The following WEE1 variants were observed in gnomAD, a reference collection of about 807,000 sequenced individuals.
The protein encoded by WEE1 is wee1-like protein kinase.
WEE1 carries 16 observed loss-of-function variants against 68.8 expected under a neutral mutation model. The observed-to-expected ratio is 0.23, with a 90% CI of 0.16 to 0.35. WEE1 has a LOEUF of 0.35. Ranked by LOEUF, WEE1 falls within the 10% of genes least tolerant of loss-of-function variation. The probability of loss-of-function intolerance (pLI) is 1.00; values close to 1 mark genes in which losing one functional copy is unlikely to be tolerated. For synonymous variants in WEE1, 349 were observed against 318.7 expected (o/e 1.09, Z -1.01); for missense variants, 651 against 824.1 (o/e 0.79, Z 2.57).
intron 6 of WEE1, among the ~76,000 whole-genome samples, chr11:9,581,989 G>A (rs991973354): frequency 2.0e-5 from 3 of 152,202 alleles, no homozygotes; most frequent in Non-Finnish European, 2.9e-5. Context: ...TCAGTCTTCC[G>A]AGTAGCCGGG....
At position 9,581,920 on chromosome 11, in the gene WEE1, GT is replaced by G. The variant is rs143667765; in HGVS notation, c.1288+243del. Among the ~76,000 whole-genome samples, 7 of 152,356 alleles carry G rather than the reference GT, an allele frequency of 4.6e-5. No individual in the cohort carries two copies. The East Asian group carries it at 1.2e-3, about 25-fold the overall frequency. ...ATTCTGTGGCCCAGGCCGGAATGCAGTGGCACCATCTCCGCTCACTGCAACT... is the reference window on the plus strand; with the variant it reads ...ATTCTGTGGCCCAGGCCGGAATGCAGGGCACCATCTCCGCTCACTGCAACT... On this transcript the variant is annotated intron_variant, in intron 6 of 10. Coordinates refer to ENST00000450114, the MANE Select transcript of WEE1 (RefSeq NM_003390.4).
At chr11:9,580,570 TCTC>T (rs1326148478) in intron 5 of WEE1, 2 of 150,288 alleles carry the variant, frequency 1.3e-5, no homozygotes, top group East Asian at 2.0e-4. Flanking sequence ...TTCAAGCAAT[TCTC>T]CTGCCTTCTG....
rs1849565798 is a variant in WEE1, at chr11:9,576,398, T to A, written c.847-89T>A. On this transcript the variant is annotated intron_variant, in intron 3 of 10. Coordinates refer to ENST00000450114, the MANE Select transcript of WEE1 (RefSeq NM_003390.4). The surrounding 1 kb of genome is among the most constrained non-coding windows in gnomAD (Gnocchi z 4.3). ...TTAACACATAAGGTAGAATGGTTTT[T>A]AAATTTCACACATAGCCCTATCACC... 5.1e-6 allele frequency: 8 copies of A among 1,555,068 alleles called. No individual in the cohort carries two copies. The highest frequency in any genetic ancestry group is 7.0e-6 in the Non-Finnish European group (8 of 1,149,210).
Position 9,588,589 on chromosome 11 carries a change from T to G in WEE1, c.1928T>G (p.Leu643Arg). The G allele has an allele frequency of 6.2e-7, 1 of 1,600,584 alleles. No homozygotes were observed. Among genetic ancestry groups the G allele is most frequent in the East Asian group, 2.3e-5 (1 of 44,350 alleles). ...IGKKMNRSVS[L>R]TIY ...AAGAAAATGAACCGCTCTGTCAGCC[T>G]TACTATATACTGAGCTACTCCTTTC... Residue 643 changes from leucine (L) to arginine (R), a missense_variant, in exon 11 of 11, where the codon CTT becomes CGT. Physicochemically the swap from Leu to Arg is moderately radical, Grantham distance 102. Transcript: ENST00000450114.
rs1215242751 is a variant in WEE1 at position 9,588,504 on chromosome 11, A to G, written c.1843A>G (p.Thr615Ala). ...KAAAEERALFTDRMATRSTTQ... is the reference protein window; with the variant it reads ...KAAAEERALFADRMATRSTTQ... ...TGCAGCTGAGGAAAGAGCACTCTTC[A>G]CTGACCGGATGGCCACTAGGTCCAC... The change falls in exon 11 of 11, where the codon ACT becomes GCT. Residue 615 changes from threonine to alanine, a missense_variant. Coordinates refer to ENST00000450114, the MANE Select transcript of WEE1 (RefSeq NM_003390.4). 6 of 1,611,946 alleles carry G rather than the reference A, an allele frequency of 3.7e-6. No individual in the cohort carries two copies. The highest frequency in any genetic ancestry group is 5.1e-6 in the Non-Finnish European group (6 of 1,179,592).
chr11:9,575,545 A>T (rs763480578), intron 1 of WEE1: 90 of 373,810 alleles, frequency 2.4e-4, no homozygotes, highest in Non-Finnish European at 3.5e-4. Context: ...GGGGGAGGGG[A>T]GATTTTATGG....
intron 10 of WEE1, among the ~76,000 whole-genome samples, chr11:9,588,042 T>A (rs1325547418): frequency 1.3e-5 from 2 of 151,978 alleles, no homozygotes; most frequent in African/African-American, 4.8e-5. Context: ...AAAGATGGGG[T>A]CTTGCTCTGT....
chr11:9,583,624 A>C (rs1214198540), intron 6 of WEE1, among the ~76,000 whole-genome samples: 1 of 150,870 alleles, frequency 6.6e-6, no homozygotes, highest in Non-Finnish European at 1.5e-5. Context: ...AAAAAAAAAA[A>C]AAAAAACCTT....
Position 9,574,233 on chromosome 11 carries a change from G to C in WEE1, c.300G>C (p.Pro100=). ...EEDLLLPGAC[P]GADEAGGGAE... Reference sequence around the variant, plus strand: ...ACCTGTTGCTGCCCGGCGCCTGCCCGGGCGCGGACGAGGCGGGCGGTGGGG... The same window carrying C: ...ACCTGTTGCTGCCCGGCGCCTGCCCCGGCGCGGACGAGGCGGGCGGTGGGG... Residue 100 remains proline (P), a synonymous_variant, in exon 1 of 11, where the codon CCG becomes CCC. Transcript: ENST00000450114. The surrounding 1 kb of genome is among the most constrained non-coding windows in gnomAD (Gnocchi z 4.9). The C allele has an allele frequency of 8.4e-7, 1 of 1,189,852 alleles. No homozygotes were observed. Among genetic ancestry groups the C allele is most frequent in the Non-Finnish European group, 1.0e-6 (1 of 959,892 alleles). The allele number at this position is 1,189,852 out of a possible 1,614,324, so 73.7% of individuals were successfully genotyped here.
rs1849740509 is a variant in WEE1 at position 9,589,645 on chromosome 11, A to T, written c.*1043A>T. 1.0e-6 allele frequency: 1 copy of T among 975,690 alleles called. No individual in the cohort carries two copies. Among genetic ancestry groups the T allele is most frequent in the African/African-American group, 1.9e-5 (1 of 53,440 alleles). The allele number at this position is 975,690 out of a possible 1,614,324, so 60.4% of individuals were successfully genotyped here. On this transcript the variant is annotated 3_prime_UTR_variant, in exon 11 of 11. Coordinates refer to ENST00000450114, the MANE Select transcript of WEE1 (RefSeq NM_003390.4). ...TACTGGCTAACAGATGTTGAAAAAA[A>T]TTGTCTGTTTGTTTTCTCATTAATT...
In WEE1 at chr11:9,579,634, G is replaced by A. The variant is rs1849603480; in HGVS notation, c.1142-1898G>A. 3 of 152,120 alleles carry A rather than the reference G, an allele frequency of 2.0e-5. No homozygotes were observed. The South Asian group carries it at 6.2e-4, about 32-fold the overall frequency. The allele number at this position is 152,120 out of a possible 1,614,324, so 9.4% of individuals were successfully genotyped here. Reference sequence around the variant, plus strand: ...AAGAGAAGAAATGGGCACAGCTATGGTTGCTGGACCTGCTAAAAAAGAGAA... The same window carrying A: ...AAGAGAAGAAATGGGCACAGCTATGATTGCTGGACCTGCTAAAAAAGAGAA... On this transcript the variant is annotated intron_variant, in intron 5 of 10. Coordinates refer to ENST00000450114, the MANE Select transcript of WEE1 (RefSeq NM_003390.4).
chr11:9,577,303 G>A lies in WEE1; in HGVS notation c.1141+40G>A, dbSNP rs566003740. 4 of 1,593,504 alleles carry A rather than the reference G, an allele frequency of 2.5e-6. No homozygotes were observed. In the East Asian group the frequency reaches 9.0e-5, roughly 36 times the overall value. On this transcript the variant is annotated intron_variant, in intron 5 of 10. Coordinates refer to ENST00000450114, the MANE Select transcript of WEE1 (RefSeq NM_003390.4). ...GGTTTTCTTGTGAGCTTGAGAAAAT[G>A]AACATCGAGGAAATATTTATGGTTA...
chr11:9,579,847 T>C (rs1053851242), intron 5 of WEE1: 3 of 152,216 alleles, frequency 2.0e-5, no homozygotes, highest in Non-Finnish European at 4.4e-5. Context: ...CATTTGACGT[T>C]ATGTTATTTT....
rs1368767256 is a variant in WEE1 at position 9,574,757 on chromosome 11, C to T, written c.576+248C>T. 6 of 1,024,540 alleles carry T rather than the reference C, an allele frequency of 5.9e-6. No individual in the cohort carries two copies. The highest frequency in any genetic ancestry group is 5.7e-5 in the Admixed American group (1 of 17,408). 63.5% of individuals were successfully genotyped at this position (1,024,540 alleles called of 1,614,324 possible). On this transcript the variant is annotated intron_variant, in intron 1 of 10. Transcript: ENST00000450114. This position sits in a 1 kb window ranked among gnomAD's most constrained non-coding sequence, Gnocchi z 4.9. Reference sequence around the variant, plus strand: ...GGGCCGATCGGCCCGTCCGGGTGGCCAAGGATTTGCCGCCCGTTGAGTCCG... The same window carrying T: ...GGGCCGATCGGCCCGTCCGGGTGGCTAAGGATTTGCCGCCCGTTGAGTCCG...
At chr11:9,583,898 T>C (rs1485144241) in intron 6 of WEE1, among the ~76,000 whole-genome samples, 4 of 145,074 alleles carry the variant, frequency 2.8e-5, no homozygotes, top group African/African-American at 1.0e-4. Flanking sequence ...CAGGCTGGAG[T>C]GCAGTAGTGC....
chr11:9,574,284 G>A lies in WEE1; in HGVS notation c.351G>A (p.Glu117=). 1.6e-6 allele frequency: 2 copies of A among 1,250,402 alleles called. No individual in the cohort carries two copies. The highest frequency in any genetic ancestry group is 3.3e-5 in the East Asian group (1 of 30,120). The allele number at this position is 1,250,402 out of a possible 1,614,324, so 77.5% of individuals were successfully genotyped here. A position where few individuals can be genotyped will look rare whatever the true frequency, so the allele number is the denominator to read the frequency against. The change falls in exon 1 of 11, where the codon GAG becomes GAA. Residue 117 remains glutamate (E), a synonymous_variant. Transcript: ENST00000450114. The surrounding 1 kb of genome is among the most constrained non-coding windows in gnomAD (Gnocchi z 4.9). ...GGAEGDSWEE[E]GFGSSSPVKS... Reference sequence around the variant, plus strand: ...CGGAGGGCGACTCGTGGGAGGAGGAGGGCTTCGGCTCCTCGTCGCCGGTCA... The same window carrying A: ...CGGAGGGCGACTCGTGGGAGGAGGAAGGCTTCGGCTCCTCGTCGCCGGTCA...
chr11:9,583,332 T>G (rs1417137891), intron 6 of WEE1, among the ~76,000 whole-genome samples: 2 of 146,366 alleles, frequency 1.4e-5, no homozygotes, highest in Non-Finnish European at 3.0e-5. Flanking sequence ...AAAAAAAAAT[T>G]CGCCGGGCGT....
At chr11:9,587,013 T>C (rs1242975752) in intron 10 of WEE1, among the ~76,000 whole-genome samples, 157 bp downstream of exon 10, 1 of 152,184 alleles carries the variant, frequency 6.6e-6, no homozygotes, top group African/African-American at 2.4e-5. Flanking sequence ...CAGGCTGGAG[T>C]GCACTGGTGC....
At chr11:9,586,381 T>C (rs1849700014) in intron 8 of WEE1, 68 bp from the exon 9 acceptor site, 9 of 1,426,758 alleles carry the variant, frequency 6.3e-6, no homozygotes, top group Admixed American at 2.0e-5. Context: ...TAAGTCATCT[T>C]TGAGGTGTAA....
Sources: gnomAD v4.1 joint callset for allele counts (sites outside exome capture counted in the v4.1 genomes callset) on GRCh38, gnomAD v4.1.1 for gene constraint, Gnocchi (gnomAD v3.1) non-coding constraint, MANE v1.5 for transcripts, NCBI Gene and HGNC (gene_info 2026-07-23, HGNC 2026-07-21) for gene names.